The following TDRD9 variants were observed in gnomAD, a reference collection of about 807,000 sequenced individuals.
TDRD9 encodes ATP-dependent RNA helicase TDRD9.
Under a neutral mutation model 172.6 loss-of-function variants are expected in TDRD9, and 124 were observed. The ratio of observed to expected loss-of-function variants is 0.72; its 90% CI spans 0.62 to 0.83. The LOEUF is 0.83. TDRD9 is among the 40% of genes least tolerant of loss of function. The probability of loss-of-function intolerance (pLI) is 0.00; values close to 1 mark genes in which losing one functional copy is unlikely to be tolerated. For missense variants in TDRD9, 1,479 were observed against 1,714.1 expected (o/e 0.86, Z 2.42); for synonymous variants, 619 against 617.1 (o/e 1.00, Z -0.05).
chr14:103,942,798 AT>A (rs1266732465), intron 1 of TDRD9, among the ~76,000 whole-genome samples: 1 of 152,240 alleles, frequency 6.6e-6, no homozygotes, highest in African/African-American at 2.4e-5. Context: ...ATTGTGAAAT[AT>A]TTAGCAAATG....
At chr14:103,963,599 T>C (rs962527251) in intron 3 of TDRD9, among the ~76,000 whole-genome samples, 1 of 152,238 alleles carries the variant, frequency 6.6e-6, no homozygotes, top group Non-Finnish European at 1.5e-5. Context: ...TTTCTCTGCC[T>C]GTTGATTAAT....
Position 103,943,261 on chromosome 14 carries a change from GC to G in TDRD9, c.216-12401del, listed in dbSNP as rs906498399. Among the ~76,000 whole-genome samples the G allele has an allele frequency of 3.3e-4, 50 of 151,804 alleles. 2 individuals carry two copies. The highest frequency in any genetic ancestry group is 2.4e-5 in the African/African-American group (1 of 41,360). On this transcript the variant is annotated intron_variant, in intron 1 of 35. Coordinates refer to ENST00000409874, the MANE Select transcript of TDRD9 (RefSeq NM_153046.3). Reference sequence around the variant, plus strand: ...TCCTCCCACCTCAGCCCCCTGAATAGCCAGGACCATAGGTGCATGCCACCAC... The same window carrying G: ...TCCTCCCACCTCAGCCCCCTGAATAGCAGGACCATAGGTGCATGCCACCAC...
chr14:104,005,457 C>T, intron 15 of TDRD9, 52 bp downstream of exon 15: 1 of 1,596,662 alleles, frequency 6.3e-7, no homozygotes, highest in Non-Finnish European at 8.6e-7. Context: ...CTGTGTTCTA[C>T]TGTGGCTCCC....
chr14:104,006,621 C>A (rs751933262), intron 16 of TDRD9, 25 bp from the exon 17 acceptor site: 1 of 1,613,118 alleles, frequency 6.2e-7, no homozygotes, highest in East Asian at 2.2e-5. Flanking sequence ...ATCTTACATT[C>A]TTCTTGTTTA....
At chr14:103,957,828 A>T (rs544876176) in intron 2 of TDRD9, among the ~76,000 whole-genome samples, 13 of 152,246 alleles carry the variant, frequency 8.5e-5, no homozygotes, top group East Asian at 5.8e-4. Flanking sequence ...TGCCGGATGG[A>T]TTACCACTCT....
At chr14:104,046,805 C>T (rs563521324) in intron 34 of TDRD9, among the ~76,000 whole-genome samples, 1 of 152,198 alleles carries the variant, frequency 6.6e-6, no homozygotes, top group South Asian at 2.1e-4. Context: ...GCCACCACAC[C>T]TGGCTAATTT....
intron 2 of TDRD9, among the ~76,000 whole-genome samples, chr14:103,959,743 C>T (rs1434013300): frequency 1.3e-5 from 2 of 152,112 alleles, no homozygotes; most frequent in East Asian, 3.8e-4. Context: ...GAATTTCTAT[C>T]GATTACAGTA....
chr14:103,974,946 T>A (rs938625398), intron 6 of TDRD9, among the ~76,000 whole-genome samples: 7 of 152,044 alleles, frequency 4.6e-5, no homozygotes, highest in Non-Finnish European at 7.4e-5. Context: ...ATTAATTTAT[T>A]TTTTTGTAGA....
At chr14:103,981,075 G>A (rs992933536) in intron 7 of TDRD9, among the ~76,000 whole-genome samples, 7 of 151,972 alleles carry the variant, frequency 4.6e-5, no homozygotes, top group Non-Finnish European at 8.8e-5. Context: ...TTATTATACT[G>A]GAACAGCTCG....
rs747078998 is a variant in TDRD9, at chr14:103,986,197, T to G, written c.1012-20T>G. On this transcript the variant is annotated intron_variant, in intron 7 of 35. Coordinates refer to ENST00000409874, the MANE Select transcript of TDRD9 (RefSeq NM_153046.3). ...TAATCCTGTTTTCGTATTGCGACTT[T>G]TTTCTTTCACTGTTTTTAGCTCTCT... 1 of 1,605,340 alleles carries G rather than the reference T, an allele frequency of 6.2e-7. No individual in the cohort carries two copies. Among genetic ancestry groups the G allele is most frequent in the Non-Finnish European group, 8.5e-7 (1 of 1,173,138 alleles).
At chr14:103,995,834 G>A (rs1367357252) in intron 12 of TDRD9, 27 bp downstream of exon 12, 1 of 1,582,892 alleles carries the variant, frequency 6.3e-7, no homozygotes, top group East Asian at 2.3e-5. Context: ...TTTACCTCCT[G>A]GCATTAGCTG....
At chr14:104,025,404 C>CATAA (rs1459732530) in intron 25 of TDRD9, among the ~76,000 whole-genome samples, 160 bp from the exon 26 acceptor site, 2 of 152,202 alleles carry the variant, frequency 1.3e-5, no homozygotes, top group African/African-American at 4.8e-5. Context: ...CTTTTTGTCT[C>CATAA]ATAAACACCT....
chr14:104,051,576 T>TA (rs2035936721), intron 35 of TDRD9, among the ~76,000 whole-genome samples: 1 of 152,222 alleles, frequency 6.6e-6, no homozygotes, highest in African/African-American at 2.4e-5. Flanking sequence ...ACCAATGGTG[T>TA]ATAAGCATTC....
intron 6 of TDRD9, among the ~76,000 whole-genome samples, chr14:103,973,110 T>C (rs1378062741): frequency 6.6e-6 from 1 of 152,222 alleles, no homozygotes; most frequent in Non-Finnish European, 1.5e-5. Flanking sequence ...TTGGTACTTA[T>C]AAGTTGTAAG....
intron 2 of TDRD9, among the ~76,000 whole-genome samples, chr14:103,959,467 T>TGTAA (rs2032398005): frequency 7.4e-6 from 1 of 134,736 alleles, no homozygotes; most frequent in African/African-American, 2.7e-5. Flanking sequence ...TGTGTGTGTG[T>TGTAA]GTGTGTGTGT....
At position 103,995,823 on chromosome 14, in the gene TDRD9, G is replaced by GT; in HGVS notation, c.1378+19dup. 5.0e-6 allele frequency: 8 copies of GT among 1,598,754 alleles called. No individual in the cohort carries two copies. The highest frequency in any genetic ancestry group is 6.0e-6 in the Non-Finnish European group (7 of 1,173,330). On this transcript the variant is annotated intron_variant, in intron 12 of 35. Coordinates refer to ENST00000409874, the MANE Select transcript of TDRD9 (RefSeq NM_153046.3). ...GTCAAATATGGTAAGATACTTCTCC[G>GT]TTTACCTCCTGGCATTAGCTGTAGT...
At chr14:103,977,798 T>G (rs1447653610) in intron 7 of TDRD9, among the ~76,000 whole-genome samples, 1 of 152,158 alleles carries the variant, frequency 6.6e-6, no homozygotes, top group Non-Finnish European at 1.5e-5. Context: ...CTTCATAGTT[T>G]CAGGATTTAG....
At chr14:104,036,601 G>C (rs566774857) in intron 32 of TDRD9, among the ~76,000 whole-genome samples, 99 of 152,200 alleles carry the variant, frequency 6.5e-4, no homozygotes, top group Non-Finnish European at 1.3e-3. Flanking sequence ...TTAAACACCA[G>C]CTTTTGAGGA....
chr14:104,036,144 G>A (rs115353743), intron 32 of TDRD9, among the ~76,000 whole-genome samples: 2,550 of 151,896 alleles, frequency 0.017, 70 homozygotes, highest in African/African-American at 0.059. Context: ...TAAGATTCTT[G>A]TTATACTGTA....
Sources: allele counts gnomAD v4.1 joint callset (sites outside exome capture counted in the v4.1 genomes callset), GRCh38; gene constraint gnomAD v4.1.1; transcripts MANE v1.5; gene names NCBI Gene and HGNC (gene_info 2026-07-23, HGNC 2026-07-21).